Variants in ARL8B observed in about 807,000 individuals in gnomAD.
ARL8B encodes the protein ARF like GTPase 8B.
In ARL8B, 9 loss-of-function variants were observed where a neutral mutation model predicts 30.6. The observed-to-expected ratio is 0.29, with a 90% CI of 0.18 to 0.51. The LOEUF is 0.51. Ranked by LOEUF, ARL8B falls within the 20% of genes least tolerant of loss-of-function variation. The pLI is 0.97. For missense variants in ARL8B, 130 were observed against 227.2 expected, an observed-to-expected ratio of 0.57 and a Z score of 2.75; for synonymous variants, 74 against 76.0, an observed-to-expected ratio of 0.97 and a Z score of 0.14.
At chr3:5,132,208 G>T (rs181422510) in intron 1 of ARL8B, among the ~76,000 whole-genome samples, 2 of 152,020 alleles carry the variant, frequency 1.3e-5, no homozygotes, top group Non-Finnish European at 2.9e-5. Context: ...CCTTTCTGTA[G>T]TAGGTATTGC....
chr3:5,161,484 G>T (rs1292391119), intron 1 of ARL8B, among the ~76,000 whole-genome samples: 1 of 152,124 alleles, frequency 6.6e-6, no homozygotes, highest in African/African-American at 2.4e-5. Flanking sequence ...GGTTTGAGTG[G>T]GTCTGTTTGT....
intron 1 of ARL8B, chr3:5,128,432 C>T (rs575364893): frequency 2.0e-5 from 9 of 453,404 alleles, no homozygotes; most frequent in East Asian, 7.1e-5. Context: ...CCTTCATCCC[C>T]GCTCCAATTA....
chr3:5,143,604 T>G (rs1317167952), intron 1 of ARL8B, among the ~76,000 whole-genome samples: 1 of 152,224 alleles, frequency 6.6e-6, no homozygotes, highest in African/African-American at 2.4e-5. Context: ...AGTCCACCCC[T>G]GTTCAGCCGT....
At chr3:5,123,556 A>G (rs1417360087) in intron 1 of ARL8B, among the ~76,000 whole-genome samples, 1 of 152,200 alleles carries the variant, frequency 6.6e-6, no homozygotes, top group East Asian at 1.9e-4. Flanking sequence ...TTTAGCTGGT[A>G]GTGGCTTGTA....
At chr3:5,172,857 C>A in intron 4 of ARL8B, 117 bp downstream of exon 4, 1 of 718,616 alleles carries the variant, frequency 1.4e-6, no homozygotes, top group Non-Finnish European at 2.3e-6. Flanking sequence ...TTTTTAAAAT[C>A]TGGAAAACTT....
intron 1 of ARL8B, among the ~76,000 whole-genome samples, chr3:5,164,323 G>A (rs1429681126): frequency 1.3e-5 from 2 of 152,158 alleles, no homozygotes; most frequent in Non-Finnish European, 2.9e-5. Flanking sequence ...TAGGTAATAG[G>A]TGGTAGTGGC....
intron 1 of ARL8B, among the ~76,000 whole-genome samples, chr3:5,130,019 A>G (rs751591252): frequency 6.6e-6 from 1 of 151,998 alleles, no homozygotes; most frequent in Non-Finnish European, 1.5e-5. Context: ...ACGTGCCACC[A>G]CACACAGCTA....
intron 6 of ARL8B, among the ~76,000 whole-genome samples, chr3:5,176,042 G>C (rs2054727270): frequency 6.6e-6 from 1 of 152,092 alleles, no homozygotes; most frequent in Non-Finnish European, 1.5e-5. Flanking sequence ...AGTATGTATG[G>C]CTCAACTTTA....
intron 1 of ARL8B, among the ~76,000 whole-genome samples, chr3:5,151,394 G>A (rs532273432): frequency 6.6e-6 from 1 of 152,182 alleles, no homozygotes; most frequent in South Asian, 2.1e-4. Flanking sequence ...AGTGAGCTAT[G>A]ATTATGTCAC....
At chr3:5,149,100 T>C (rs2054456045) in intron 1 of ARL8B, among the ~76,000 whole-genome samples, 1 of 152,230 alleles carries the variant, frequency 6.6e-6, no homozygotes. Flanking sequence ...TTGCTTCATA[T>C]CTAAGATACA....
At chr3:5,147,803 G>T (rs891112894) in intron 1 of ARL8B, among the ~76,000 whole-genome samples, 4 of 151,630 alleles carry the variant, frequency 2.6e-5, no homozygotes, top group African/African-American at 9.7e-5. Context: ...AAAAGGCCTT[G>T]CCCTACTGGG....
chr3:5,145,141 T>C (rs1289107211), intron 1 of ARL8B, among the ~76,000 whole-genome samples: 2 of 152,244 alleles, frequency 1.3e-5, no homozygotes, highest in East Asian at 3.9e-4. Context: ...TATCCCATCA[T>C]GTTGTGGAGC....
At chr3:5,178,422 A>G (rs1163792814) in intron 6 of ARL8B, among the ~76,000 whole-genome samples, 1 of 149,184 alleles carries the variant, frequency 6.7e-6, no homozygotes, top group Non-Finnish European at 1.5e-5. Flanking sequence ...TGGGCAACAC[A>G]TAAAAGGTGG....
At chr3:5,174,304 T>C (rs1013313443) in intron 5 of ARL8B, 40 bp from the exon 6 acceptor site, 2 of 1,350,922 alleles carry the variant, frequency 1.5e-6, no homozygotes, top group Non-Finnish European at 2.1e-6. Flanking sequence ...GTATGACAGC[T>C]GTTCTAAGCA....
chr3:5,169,551 GCTTT>G (rs1302971208), intron 1 of ARL8B, among the ~76,000 whole-genome samples: 2 of 140,274 alleles, frequency 1.4e-5, no homozygotes, highest in Admixed American at 7.1e-5. Flanking sequence ...TCTTTCCAGT[GCTTT>G]CTGTTTTTTT....
At chr3:5,137,554 T>G (rs774680985) in intron 1 of ARL8B, among the ~76,000 whole-genome samples, 18 of 150,886 alleles carry the variant, frequency 1.2e-4, no homozygotes, top group Non-Finnish European at 1.8e-4. Context: ...TTCTCCTGCC[T>G]CAGCCTCCCA....
intron 1 of ARL8B, among the ~76,000 whole-genome samples, chr3:5,133,072 C>T (rs13089553): frequency 0.13 from 20,102 of 151,286 alleles, 1,904 homozygotes; most frequent in African/African-American, 0.27. Context: ...AATGTTCTTG[C>T]CCTTGTGGAA....
At chr3:5,143,656 C>T (rs1182413055) in intron 1 of ARL8B, among the ~76,000 whole-genome samples, 1 of 152,222 alleles carries the variant, frequency 6.6e-6, no homozygotes, top group African/African-American at 2.4e-5. Context: ...TCATAGGGAC[C>T]TTCTCAGGTT....
intron 1 of ARL8B, among the ~76,000 whole-genome samples, chr3:5,145,841 GAT>G (rs1272164679): frequency 6.6e-6 from 1 of 152,120 alleles, no homozygotes; most frequent in Non-Finnish European, 1.5e-5. Flanking sequence ...CTCTATTCCT[GAT>G]ATTCTCTCTG....
Sources: allele counts gnomAD v4.1 joint callset (sites outside exome capture counted in the v4.1 genomes callset), GRCh38; gene constraint gnomAD v4.1.1; transcripts MANE v1.5; gene names NCBI Gene and HGNC (gene_info 2026-07-23, HGNC 2026-07-21).